The following KIF16B variants were observed in gnomAD, a reference collection of about 807,000 sequenced individuals.
The protein encoded by KIF16B is kinesin-like protein KIF16B.
Under a neutral mutation model 156.3 loss-of-function variants are expected in KIF16B, and 98 were observed. The ratio of observed to expected loss-of-function variants is 0.63; its 90% CI spans 0.53 to 0.74. The LOEUF (loss-of-function observed/expected upper bound fraction) is 0.74. KIF16B is among the 30% of genes least tolerant of loss of function. KIF16B has a pLI of 0.00. For synonymous variants in KIF16B, 564 were observed against 583.7 expected (o/e 0.97, Z 0.49); for missense variants, 1,421 against 1,606.5 (o/e 0.88, Z 1.97).
chr20:16,559,317 G>A (rs1298646251), intron 1 of KIF16B, among the ~76,000 whole-genome samples: 2 of 152,188 alleles, frequency 1.3e-5, no homozygotes, highest in East Asian at 3.8e-4. Flanking sequence ...ATGCCAGGAG[G>A]CATAATTCCT....
intron 1 of KIF16B, among the ~76,000 whole-genome samples, chr20:16,562,093 T>C (rs1442358618): frequency 6.6e-6 from 1 of 152,230 alleles, no homozygotes; most frequent in Non-Finnish European, 1.5e-5. Context: ...GTGAAGAGTT[T>C]ATATATGGGA....
chr20:16,555,043 C>T (rs1568681891), intron 1 of KIF16B, among the ~76,000 whole-genome samples: 1 of 152,244 alleles, frequency 6.6e-6, no homozygotes, highest in South Asian at 2.1e-4. Context: ...GCCTGCCAGG[C>T]TGAGTGGACA....
intron 24 of KIF16B, among the ~76,000 whole-genome samples, chr20:16,314,231 G>C (rs950286434): frequency 6.6e-6 from 1 of 152,148 alleles, no homozygotes; most frequent in African/African-American, 2.4e-5. Context: ...TCATTTTTAG[G>C]CAGTGTCTGT....
At chr20:16,346,653 G>A (rs1174974617) in intron 23 of KIF16B, among the ~76,000 whole-genome samples, 1 of 152,220 alleles carries the variant, frequency 6.6e-6, no homozygotes, top group African/African-American at 2.4e-5. Context: ...AAAACAGGCT[G>A]TAATACCGCT....
intron 12 of KIF16B, among the ~76,000 whole-genome samples, chr20:16,480,773 T>C (rs945982281): frequency 6.6e-6 from 1 of 152,248 alleles, no homozygotes; most frequent in African/African-American, 2.4e-5. Flanking sequence ...TCACACTTTG[T>C]GTATGTTAAA....
intron 22 of KIF16B, among the ~76,000 whole-genome samples, chr20:16,357,166 G>C (rs2064459778): frequency 6.6e-6 from 1 of 152,042 alleles, no homozygotes; most frequent in South Asian, 2.1e-4. Context: ...ATTAAGCTGG[G>C]GGCTTTAGAA....
chr20:16,555,261 C>T (rs1216878137), intron 1 of KIF16B, among the ~76,000 whole-genome samples: 1 of 152,218 alleles, frequency 6.6e-6, no homozygotes, highest in African/African-American at 2.4e-5. Context: ...CTCAAAATAA[C>T]CCTATGAATA....
intron 18 of KIF16B, among the ~76,000 whole-genome samples, chr20:16,380,878 A>G (rs1189637398): frequency 6.6e-6 from 1 of 152,220 alleles, no homozygotes; most frequent in Non-Finnish European, 1.5e-5. Context: ...TGGCCTCCAG[A>G]GGAAGAACAC....
chr20:16,340,801 C>A (rs1402916189), intron 23 of KIF16B, among the ~76,000 whole-genome samples: 1 of 152,188 alleles, frequency 6.6e-6, no homozygotes, highest in African/African-American at 2.4e-5. Flanking sequence ...CCCACAGTGG[C>A]CCCAGTGGTC....
chr20:16,447,288 T>A (rs1383097516), intron 12 of KIF16B, among the ~76,000 whole-genome samples: 4 of 151,604 alleles, frequency 2.6e-5, no homozygotes, highest in Non-Finnish European at 4.4e-5. Flanking sequence ...TAAATCAGAC[T>A]CATTCTGATG....
chr20:16,569,132 G>A (rs1444331536), intron 1 of KIF16B, among the ~76,000 whole-genome samples: 1 of 152,142 alleles, frequency 6.6e-6, no homozygotes, highest in Non-Finnish European at 1.5e-5. Context: ...GCTCTCAGAA[G>A]ACAGCCAGAC....
intron 12 of KIF16B, among the ~76,000 whole-genome samples, chr20:16,469,487 C>T (rs1412533499): frequency 1.3e-5 from 2 of 149,642 alleles, no homozygotes; most frequent in Admixed American, 6.7e-5. Context: ...GCAGTAAACA[C>T]ATCAAGGAAA....
chr20:16,444,930 C>T (rs1410372247), intron 12 of KIF16B, among the ~76,000 whole-genome samples: 1 of 152,222 alleles, frequency 6.6e-6, no homozygotes, highest in Admixed American at 6.5e-5. Context: ...AAACTAAGTT[C>T]TTTACTGAAC....
intron 24 of KIF16B, among the ~76,000 whole-genome samples, chr20:16,315,412 G>T (rs1568842956): frequency 6.6e-6 from 1 of 152,108 alleles, no homozygotes; most frequent in Non-Finnish European, 1.5e-5. Context: ...GAGTCATGGG[G>T]GCAAAGTCAG....
chr20:16,427,311 C>G, intron 14 of KIF16B, 70 bp from the exon 15 acceptor site: 1 of 1,366,648 alleles, frequency 7.3e-7, no homozygotes, highest in Non-Finnish European at 1.0e-6. Flanking sequence ...AGCTATTTAT[C>G]TATAAATTTA....
chr20:16,561,499 A>G (rs1454775298), intron 1 of KIF16B, among the ~76,000 whole-genome samples: 2 of 152,200 alleles, frequency 1.3e-5, no homozygotes, highest in Non-Finnish European at 2.9e-5. Flanking sequence ...TATATTCACA[A>G]TAACTTTTAT....
chr20:16,320,919 A>C (rs371221916), intron 24 of KIF16B, among the ~76,000 whole-genome samples: 1 of 152,212 alleles, frequency 6.6e-6, no homozygotes, highest in African/African-American at 2.4e-5. Flanking sequence ...TATATTTTAG[A>C]GACAATATAT....
At chr20:16,446,136 T>C (rs1171132882) in intron 12 of KIF16B, among the ~76,000 whole-genome samples, 1 of 152,198 alleles carries the variant, frequency 6.6e-6, no homozygotes, top group Non-Finnish European at 1.5e-5. Context: ...GTTGTCACCT[T>C]TAATAAAAAC....
At chr20:16,505,595 T>G (rs761305163) in intron 9 of KIF16B, 127 bp downstream of exon 9, 2 of 823,964 alleles carry the variant, frequency 2.4e-6, no homozygotes, top group Non-Finnish European at 1.9e-6. Flanking sequence ...TTCCTCAAGA[T>G]AGAAAAACCA....
Sources: allele counts gnomAD v4.1 joint callset (sites outside exome capture counted in the v4.1 genomes callset), GRCh38; gene constraint gnomAD v4.1.1; transcripts MANE v1.5; gene names NCBI Gene and HGNC (gene_info 2026-07-23, HGNC 2026-07-21).